ARHGEF3: variants seen among roughly 807,000 people sequenced by gnomAD.
The protein encoded by ARHGEF3 is 59.8 kDA protein.
Under a neutral mutation model 63.2 loss-of-function variants are expected in ARHGEF3, and 28 were observed. The observed-to-expected ratio is 0.44, with a 90% confidence interval of 0.33 to 0.61. The LOEUF is 0.61. ARHGEF3 is among the 20% of genes least tolerant of loss of function. The pLI is 0.03. For missense variants in ARHGEF3, 533 were observed against 659.3 expected, an observed-to-expected ratio of 0.81 and a Z score of 2.10; for synonymous variants, 266 against 254.2, an observed-to-expected ratio of 1.05 and a Z score of -0.44.
chr3:56,745,609 T>C, intron 6 of ARHGEF3, 147 bp from the exon 7 acceptor site: 6 of 945,640 alleles, frequency 6.3e-6, no homozygotes, highest in Non-Finnish European at 9.2e-6. Flanking sequence ...TGGAGGAAAC[T>C]AGTGGAATCT....
chr3:56,804,785 C>A (rs2037801490), upstream of ARHGEF3, among the ~76,000 whole-genome samples: 1 of 152,178 alleles, frequency 6.6e-6, no homozygotes, highest in South Asian at 2.1e-4. Flanking sequence ...GGGGAGCTCA[C>A]ACAAGTGCTC....
intron 7 of ARHGEF3, among the ~76,000 whole-genome samples, chr3:56,740,456 G>A (rs1372520837): frequency 6.6e-6 from 1 of 151,810 alleles, no homozygotes; most frequent in African/African-American, 2.4e-5. Flanking sequence ...TCCTTTCTTG[G>A]TTTTCAAAAA....
intron 3 of ARHGEF3, among the ~76,000 whole-genome samples, chr3:56,917,643 G>A (rs936999262): frequency 1.3e-5 from 2 of 152,156 alleles, no homozygotes; most frequent in Non-Finnish European, 2.9e-5. Context: ...TTTTCATGGG[G>A]ACAAAGTCTG....
At chr3:56,796,622 T>C (rs1047897035) in intron 1 of ARHGEF3, among the ~76,000 whole-genome samples, 1 of 152,106 alleles carries the variant, frequency 6.6e-6, no homozygotes, top group Non-Finnish European at 1.5e-5. Flanking sequence ...AGGAAAAAAA[T>C]GGGCCTTTGA....
At chr3:57,014,163 T>G (rs2107121288) in intron 2 of ARHGEF3, among the ~76,000 whole-genome samples, 1 of 152,178 alleles carries the variant, frequency 6.6e-6, no homozygotes, top group East Asian at 1.9e-4. Flanking sequence ...GCAGCTTCAC[T>G]CTTGAAGCCA....
intron 1 of ARHGEF3, among the ~76,000 whole-genome samples, chr3:57,071,488 C>T (rs1214198806): frequency 7.9e-5 from 12 of 151,796 alleles, no homozygotes; most frequent in African/African-American, 4.8e-5. Flanking sequence ...GGTGAAACCC[C>T]GTCTCTACTA....
intron 7 of ARHGEF3, among the ~76,000 whole-genome samples, chr3:56,744,490 C>T (rs1250137786): frequency 6.6e-6 from 1 of 151,944 alleles, no homozygotes; most frequent in Non-Finnish European, 1.5e-5. Context: ...CCTCCACCTC[C>T]CAGGCTCAAG....
intron 1 of ARHGEF3, chr3:57,073,403 T>C (rs1467267158): frequency 5.8e-6 from 2 of 343,518 alleles, no homozygotes; most frequent in African/African-American, 4.2e-5. Context: ...CCACTGGAGT[T>C]GGGCAGCGTG....
chr3:56,822,484 C>T (rs1022376800), intron 4 of ARHGEF3, among the ~76,000 whole-genome samples: 3 of 152,166 alleles, frequency 2.0e-5, no homozygotes, highest in South Asian at 2.1e-4. Context: ...AGGATGAAAA[C>T]TGTTTATGAG....
At chr3:56,796,350 C>T (rs1257081915) in intron 1 of ARHGEF3, among the ~76,000 whole-genome samples, 1 of 152,128 alleles carries the variant, frequency 6.6e-6, no homozygotes, top group Non-Finnish European at 1.5e-5. Context: ...TTGGGCCTTC[C>T]AGTGATTGGT....
At chr3:56,913,329 C>T (rs928344885) in intron 3 of ARHGEF3, among the ~76,000 whole-genome samples, 4 of 152,118 alleles carry the variant, frequency 2.6e-5, no homozygotes, top group South Asian at 2.1e-4. Context: ...CAACCCAATT[C>T]GAAAGTGAGC....
intron 1 of ARHGEF3, among the ~76,000 whole-genome samples, chr3:57,036,258 G>A (rs918341684): frequency 6.6e-6 from 1 of 152,104 alleles, no homozygotes; most frequent in Non-Finnish European, 1.5e-5. Context: ...AGAATACAGA[G>A]GGCATCTCCA....
At position 56,993,113 on chromosome 3, in the gene ARHGEF3, G is replaced by T. The variant is rs1205037800; in HGVS notation, c.63-34224C>A. Among the ~76,000 whole-genome samples the T allele has an allele frequency of 2.0e-5, 3 of 152,180 alleles. No homozygotes were observed. The East Asian group carries it at 5.8e-4, about 29-fold the overall frequency. ...GCCTCCCAAAGTGCTGGAATTACAG[G>T]TGTGAGCTACCGCGCCTGGCCTCAA... On this transcript the variant is annotated intron_variant, in intron 2 of 12. Transcript: ENST00000338458.
intron 1 of ARHGEF3, among the ~76,000 whole-genome samples, chr3:57,042,665 TATATATATATATATATATATATATATA>T (rs1704240797): frequency 7.5e-4 from 5 of 6,696 alleles, no homozygotes; most frequent in South Asian, 9.7e-3. Context: ...TATATATATA[TATATATATATATATATATATATATATA>T]TATATATATT....
intron 1 of ARHGEF3, among the ~76,000 whole-genome samples, chr3:57,054,550 A>G (rs1168185203): frequency 6.6e-6 from 1 of 150,388 alleles, no homozygotes; most frequent in Non-Finnish European, 1.5e-5. Flanking sequence ...AGGTGGGAGG[A>G]TTGCTTGAGC....
chr3:56,950,027 G>A (rs76954888), intron 3 of ARHGEF3, among the ~76,000 whole-genome samples: 17,597 of 152,060 alleles, frequency 0.12, 1,314 homozygotes, highest in East Asian at 0.25. Flanking sequence ...ACAAGAAAAG[G>A]GGGAACGATT....
chr3:56,970,658 C>T (rs1331297900), intron 2 of ARHGEF3, among the ~76,000 whole-genome samples: 1 of 152,224 alleles, frequency 6.6e-6, no homozygotes, highest in Non-Finnish European at 1.5e-5. Flanking sequence ...ACTTAAGAGC[C>T]ATTTTGCTGT....
intron 4 of ARHGEF3, among the ~76,000 whole-genome samples, chr3:56,850,647 A>G (rs373354141): frequency 2.0e-5 from 3 of 152,236 alleles, no homozygotes; most frequent in East Asian, 1.9e-4. Context: ...ATAGTCAAAA[A>G]ATAATTTACA....
At chr3:56,920,396 T>C (rs2042094856) in intron 3 of ARHGEF3, among the ~76,000 whole-genome samples, 1 of 152,198 alleles carries the variant, frequency 6.6e-6, no homozygotes, top group Admixed American at 6.5e-5. Context: ...GAACCATGTT[T>C]CCTGTGTTCT....
Sources: gnomAD v4.1 joint callset for allele counts (sites outside exome capture counted in the v4.1 genomes callset) on GRCh38, gnomAD v4.1.1 for gene constraint, MANE v1.5 for transcripts, NCBI Gene and HGNC (gene_info 2026-07-23, HGNC 2026-07-21) for gene names.